The following CRADD variants were observed in gnomAD, a reference collection of about 807,000 sequenced individuals.
The protein encoded by CRADD is CARD and death domain containing adaptor protein.
Under a neutral mutation model 15.5 loss-of-function variants are expected in CRADD, and 9 were observed. That is an observed-to-expected ratio of 0.58 (90% CI 0.35 to 1.01). The LOEUF is 1.01. Ranked by LOEUF, CRADD falls within the 50% of genes least tolerant of loss-of-function variation. The pLI, the probability that CRADD is intolerant of heterozygous loss-of-function variation, is 0.02. For synonymous variants in CRADD, 118 were observed against 107.6 expected, an observed-to-expected ratio of 1.10 and a Z score of -0.60; for missense variants, 227 against 250.3, an observed-to-expected ratio of 0.91 and a Z score of 0.63.
At chr12:93,700,462 GCT>G (rs2136834041) in intron 2 of CRADD, among the ~76,000 whole-genome samples, 1 of 151,908 alleles carries the variant, frequency 6.6e-6, no homozygotes, top group African/African-American at 2.4e-5. Context: ...ATGGAGTCTG[GCT>G]CTGTCACCCA....
At chr12:93,863,159 G>T (rs1958330997) in intron 2 of CRADD, among the ~76,000 whole-genome samples, 1 of 152,164 alleles carries the variant, frequency 6.6e-6, no homozygotes, top group African/African-American at 2.4e-5. Flanking sequence ...AGCAGTGGTT[G>T]TATTGCCTGT....
chr12:93,892,291 T>G lies in CRADD; in HGVS notation c.299-1759T>G, dbSNP rs377615985. On this transcript the variant is annotated intron_variant, in intron 2 of 2. Coordinates refer to the CRADD transcript ENST00000548483. ...ATTTTGATATTTTGTTCATCCTGGA[T>G]TTTTGACACCAATTTTCACTTAAAA... Among the ~76,000 whole-genome samples the G allele has an allele frequency of 8.5e-5, 13 of 152,336 alleles. No homozygotes were observed. The East Asian group carries it at 2.5e-3, about 29-fold the overall frequency.
intron 2 of CRADD, among the ~76,000 whole-genome samples, chr12:93,695,018 AAAG>A (rs1332935754): frequency 4.6e-5 from 7 of 152,254 alleles, no homozygotes; most frequent in Admixed American, 3.3e-4. Context: ...AGTCTTGAGC[AAAG>A]AAGAACAGAA....
At chr12:93,882,997 AC>A (rs1275776372) in intron 2 of CRADD, among the ~76,000 whole-genome samples, 2 of 152,212 alleles carry the variant, frequency 1.3e-5, no homozygotes, top group African/African-American at 4.8e-5. Flanking sequence ...GTAAAAACAG[AC>A]CCAAAGTGGC....
intron 2 of CRADD, among the ~76,000 whole-genome samples, chr12:93,682,001 G>T (rs1398540972): frequency 6.6e-6 from 1 of 152,064 alleles, no homozygotes; most frequent in Non-Finnish European, 1.5e-5. Flanking sequence ...TCTTGTTTCA[G>T]AACTTAAAAT....
chr12:93,681,181 G>A (rs114104330), intron 2 of CRADD, among the ~76,000 whole-genome samples: 1,951 of 152,250 alleles, frequency 0.013, 31 homozygotes, highest in African/African-American at 0.044. Context: ...ACCATGCTCG[G>A]CCATAACCCC....
chr12:93,825,324 G>C (rs1957811956), intron 2 of CRADD, among the ~76,000 whole-genome samples: 1 of 152,212 alleles, frequency 6.6e-6, no homozygotes, highest in Non-Finnish European at 1.5e-5. Flanking sequence ...AAGACCTGGA[G>C]CCAGACAGGC....
intron 2 of CRADD, among the ~76,000 whole-genome samples, chr12:93,721,099 A>C (rs1238891808): frequency 2.6e-5 from 4 of 152,056 alleles, no homozygotes; most frequent in African/African-American, 9.7e-5. Flanking sequence ...ACTTGTTTTT[A>C]AAAATTATTT....
chr12:93,678,325 A>G (rs1955204778), intron 1 of CRADD, among the ~76,000 whole-genome samples: 1 of 152,202 alleles, frequency 6.6e-6, no homozygotes. Flanking sequence ...ACCTGCGTCC[A>G]CCTTGGCAGT....
chr12:93,685,746 T>A (rs888348146), intron 2 of CRADD, among the ~76,000 whole-genome samples: 1 of 152,158 alleles, frequency 6.6e-6, no homozygotes, highest in Non-Finnish European at 1.5e-5. Context: ...GATCCCAGCA[T>A]TTTGGGAGGC....
At chr12:93,688,224 A>C (rs1428709534) in intron 2 of CRADD, among the ~76,000 whole-genome samples, 1 of 152,240 alleles carries the variant, frequency 6.6e-6, no homozygotes, top group Non-Finnish European at 1.5e-5. Context: ...ATTTCAGGCC[A>C]GGTGCATTGG....
At chr12:93,849,740 CAAAA>C (rs77041843) in intron 2 of CRADD, among the ~76,000 whole-genome samples, 1 of 62,240 alleles carries the variant, frequency 1.6e-5, no homozygotes. Context: ...AACACCGTCT[CAAAA>C]AAAAAAAAAA....
chr12:93,873,551 A>G (rs35784448), intron 2 of CRADD, among the ~76,000 whole-genome samples: 59,332 of 151,892 alleles, frequency 0.39, 12,204 homozygotes, highest in Middle Eastern at 0.5. Flanking sequence ...TGGGTGTTTC[A>G]TATCTGACTT....
At chr12:93,834,164 A>G (rs576016724) in intron 2 of CRADD, among the ~76,000 whole-genome samples, 1 of 152,350 alleles carries the variant, frequency 6.6e-6, no homozygotes, top group East Asian at 1.9e-4. Context: ...GAGTATGAGC[A>G]TGAAATGAAC....
rs369226381 is a variant in CRADD, at chr12:93,843,529, G to A, written c.299-6441G>A. Among the ~76,000 whole-genome samples, 73 of 147,726 alleles carry A rather than the reference G, an allele frequency of 4.9e-4. No homozygotes were observed. The East Asian group carries it at 0.01, about 21-fold the overall frequency. On this transcript the variant is annotated intron_variant, in intron 2 of 2. Transcript: ENST00000332896. ...CAAGTAGCTGGGAATACAGGTGCCC[G>A]CCACCAAGCCCAGCTAATTTTTGTA... is the stretch of plus-strand genomic sequence containing the variant.
At chr12:93,730,954 C>A (rs988803115) in intron 2 of CRADD, among the ~76,000 whole-genome samples, 2 of 152,092 alleles carry the variant, frequency 1.3e-5, no homozygotes, top group Non-Finnish European at 2.9e-5. Flanking sequence ...GACCTCTCAA[C>A]TGATCTGCCT....
At chr12:93,679,803 C>G (rs926848267) in intron 2 of CRADD, among the ~76,000 whole-genome samples, 8 of 152,162 alleles carry the variant, frequency 5.3e-5, no homozygotes, top group African/African-American at 1.9e-4. Flanking sequence ...GAGCTACCAG[C>G]TGGAAAAGGT....
chr12:93,852,864 T>TGC (rs1032547066), downstream of CRADD, among the ~76,000 whole-genome samples: 7 of 151,896 alleles, frequency 4.6e-5, no homozygotes, highest in Admixed American at 1.3e-4. Flanking sequence ...TGTGTGTGTG[T>TGC]GCATATGCAT....
chr12:93,799,671 T>C (rs1957456518), intron 2 of CRADD, among the ~76,000 whole-genome samples: 2 of 152,220 alleles, frequency 1.3e-5, no homozygotes, highest in Non-Finnish European at 2.9e-5. Flanking sequence ...AATAAAGATA[T>C]GAAATAATGA....
Sources: gnomAD v4.1 joint callset for allele counts (sites outside exome capture counted in the v4.1 genomes callset) on GRCh38, gnomAD v4.1.1 for gene constraint, MANE v1.5 for transcripts, NCBI Gene and HGNC (gene_info 2026-07-23, HGNC 2026-07-21) for gene names.